The following MAST4 variants were observed in gnomAD, a reference collection of about 807,000 sequenced individuals.
The protein encoded by MAST4 is microtubule associated serine/threonine kinase family member 4, also known as microtubule-associated serine/threonine-protein kinase 4.
Under a neutral mutation model 162.7 loss-of-function variants are expected in MAST4, and 89 were observed. The observed-to-expected ratio is 0.55, with a 90% confidence interval of 0.46 to 0.65. The LOEUF is 0.65. Among genes scored for constraint, MAST4 ranks in the 30% least tolerant of loss-of-function variants. The pLI, the probability that MAST4 is intolerant of heterozygous loss-of-function variation, is 0.00. For synonymous variants in MAST4, 1,479 were observed against 1,361.1 expected (o/e 1.09, Z -1.91); for missense variants, 3,153 against 3,374.0 (o/e 0.93, Z 1.62).
intron 1 of MAST4, among the ~76,000 whole-genome samples, chr5:66,705,957 A>C (rs534695370): frequency 1.1e-4 from 17 of 152,320 alleles, no homozygotes; most frequent in African/African-American, 3.6e-4. Flanking sequence ...AGTAAGGCGA[A>C]GTAACTTTCC....
rs143564625 is a variant in MAST4 at position 66,826,563 on chromosome 5, C to T, written c.642+37769C>T. Among the ~76,000 whole-genome samples, 10 of 152,086 alleles carry T rather than the reference C, an allele frequency of 6.6e-5. No individual in the cohort carries two copies. In the East Asian group the frequency reaches 1.2e-3, roughly 18 times the overall value. On this transcript the variant is annotated intron_variant, in intron 3 of 28. Coordinates refer to ENST00000403625, the MANE Select transcript of MAST4 (RefSeq NM_001164664.2). ...GTTTTGTTTTGTTCTCCTGATGACC[C>T]GATTTGTGTTTCAAGGGGAAAACTG...
At chr5:67,130,484 T>A in intron 15 of MAST4, 66 bp downstream of exon 15, 1 of 1,512,636 alleles carries the variant, frequency 6.6e-7, no homozygotes, top group Non-Finnish European at 9.0e-7. Flanking sequence ...TTGTTGAAGC[T>A]GTCTGTATTT....
At chr5:66,642,533 T>C (rs1403780394) in intron 1 of MAST4, among the ~76,000 whole-genome samples, 2 of 152,160 alleles carry the variant, frequency 1.3e-5, no homozygotes, top group Non-Finnish European at 2.9e-5. Context: ...AGAGTTATCT[T>C]TTAGAGAGAC....
chr5:66,618,033 T>TTGGG (rs1554035637), intron 1 of MAST4, among the ~76,000 whole-genome samples: 3 of 143,672 alleles, frequency 2.1e-5, no homozygotes, highest in South Asian at 2.3e-4. Context: ...CTGGGAGGAA[T>TTGGG]GGGGGGGGGG....
At chr5:66,676,885 A>G (rs1457953521) in intron 1 of MAST4, among the ~76,000 whole-genome samples, 1 of 152,226 alleles carries the variant, frequency 6.6e-6, no homozygotes, top group African/African-American at 2.4e-5. Flanking sequence ...AAAGATATAA[A>G]CAAGTTGCAA....
At chr5:67,078,911 A>AATAAATAAATATATATATAATAT (rs1227485756) in intron 5 of MAST4, among the ~76,000 whole-genome samples, 12 of 38,100 alleles carry the variant, frequency 3.1e-4, no homozygotes, top group South Asian at 1.8e-3. Flanking sequence ...TTTTTATATA[A>AATAAATAAATATATATATAATAT]ATATATATAT....
intron 5 of MAST4, among the ~76,000 whole-genome samples, chr5:67,072,790 C>G (rs1027144395): frequency 6.6e-6 from 1 of 151,962 alleles, no homozygotes; most frequent in Non-Finnish European, 1.5e-5. Context: ...TTCCCATAAC[C>G]CCACCCCCAC....
At chr5:67,162,834 AGTCAT>A (rs1372669780) in intron 28 of MAST4, 46 bp downstream of exon 28, 1 of 1,563,660 alleles carries the variant, frequency 6.4e-7, no homozygotes, top group Non-Finnish European at 8.7e-7. Flanking sequence ...GGGGAGGTAA[AGTCAT>A]GTGAGGTCCC....
At chr5:66,823,102 C>G (rs965893002) in intron 3 of MAST4, among the ~76,000 whole-genome samples, 10 of 152,152 alleles carry the variant, frequency 6.6e-5, no homozygotes, top group Admixed American at 2.6e-4. Flanking sequence ...GGGCTCTTCC[C>G]TTCTCACTTG....
intron 3 of MAST4, among the ~76,000 whole-genome samples, chr5:66,839,092 A>C (rs1580601578): frequency 6.6e-6 from 1 of 152,308 alleles, no homozygotes; most frequent in East Asian, 1.9e-4. Context: ...AGGCAACTGA[A>C]GGTAGAATTA....
chr5:67,136,586 G>C lies in MAST4; in HGVS notation c.2416G>C (p.Asp806His). Residue 806 changes from aspartate (D) to histidine (H), a missense_variant, in exon 19 of 29, where the codon GAT becomes CAT. Asp to His is a moderately conservative substitution (Grantham distance 81). Around this residue, in one of 7 missense-constraint regions of MAST4, gnomAD observed 62 missense variants for 63.1 expected, o/e 0.98. Coordinates refer to ENST00000403625, the MANE Select transcript of MAST4 (RefSeq NM_001164664.2). The stretch of plus-strand genomic sequence containing the variant: ...AGATGAGATCAACTGGCCTGAGAAG[G>C]ATGAGGCACCCCCACCTGATGCCCA... ...ISDEINWPEK[D>H]EAPPPDAQDL... The C allele has an allele frequency of 6.2e-7, 1 of 1,605,792 alleles. No homozygotes were observed. Among genetic ancestry groups the C allele is most frequent in the Non-Finnish European group, 8.5e-7 (1 of 1,176,072 alleles).
chr5:67,165,921 G>A lies in MAST4; in HGVS notation c.6742G>A (p.Asp2248Asn), dbSNP rs1266869846. Residue 2248 changes from aspartate to asparagine, a missense_variant, in exon 29 of 29, where the codon GAT becomes AAT. By Grantham distance (23) the Asp-to-Asn change is conservative (BLOSUM62 1). Transcript: ENST00000403625. Reference protein sequence around the residue: ...EGKGHSKSGPDVFPATPGSQN... With the variant: ...EGKGHSKSGPNVFPATPGSQN... The stretch of plus-strand genomic sequence containing the variant: ...GAAGGGCCACAGTAAGAGTGGGCCG[G>A]ATGTGTTTCCTGCTACCCCAGGCTC... 1.9e-6 allele frequency: 3 copies of A among 1,613,380 alleles called. No individual in the cohort carries two copies. Among genetic ancestry groups the A allele is most frequent in the Non-Finnish European group, 2.5e-6 (3 of 1,179,868 alleles).
chr5:66,998,900 T>C (rs13361936), intron 4 of MAST4, among the ~76,000 whole-genome samples: 2,651 of 152,290 alleles, frequency 0.017, 85 homozygotes, highest in African/African-American at 0.061. Context: ...ATCTAATTCA[T>C]TGGGGATGGG....
chr5:66,633,318 A>G (rs1744904273), intron 1 of MAST4, among the ~76,000 whole-genome samples: 1 of 152,218 alleles, frequency 6.6e-6, no homozygotes, highest in Non-Finnish European at 1.5e-5. Context: ...TACCACCTCC[A>G]GGTTGTATGA....
At position 66,690,637 on chromosome 5, in the gene MAST4, G is replaced by T. The variant is rs529724384; in HGVS notation, c.364-69072G>T. 3.3e-4 allele frequency among the ~76,000 whole-genome samples: 51 copies of T among 152,246 alleles called. No homozygotes were observed. In the South Asian group the frequency reaches 4.6e-3, roughly 14 times the overall value. On this transcript the variant is annotated intron_variant, in intron 1 of 28. Coordinates refer to ENST00000403625, the MANE Select transcript of MAST4 (RefSeq NM_001164664.2). Reference sequence around the variant, plus strand: ...AATTTTAGCCTTTCTTCAGATACTTGTTTGTAGTTCTGAGAGAAGAAAACA... The same window carrying T: ...AATTTTAGCCTTTCTTCAGATACTTTTTTGTAGTTCTGAGAGAAGAAAACA...
intron 2 of MAST4, among the ~76,000 whole-genome samples, chr5:66,760,710 G>A (rs537672011): frequency 1.3e-5 from 2 of 152,252 alleles, no homozygotes; most frequent in African/African-American, 4.8e-5. Flanking sequence ...ATGTTGTTGC[G>A]TGTGTTAGTA....
chr5:66,930,522 A>C (rs542456973), intron 4 of MAST4, among the ~76,000 whole-genome samples: 2 of 152,170 alleles, frequency 1.3e-5, no homozygotes, highest in South Asian at 4.1e-4. Flanking sequence ...TGTGTATATG[A>C]TTGTGAATGA....
intron 3 of MAST4, among the ~76,000 whole-genome samples, chr5:66,796,497 A>G (rs1268137819): frequency 6.6e-6 from 1 of 152,088 alleles, no homozygotes; most frequent in Non-Finnish European, 1.5e-5. Flanking sequence ...AGCTCTCTGC[A>G]TGGGTCTCTG....
chr5:67,025,546 A>G (rs1754533487), intron 4 of MAST4, among the ~76,000 whole-genome samples: 1 of 152,166 alleles, frequency 6.6e-6, no homozygotes, highest in South Asian at 2.1e-4. Context: ...TGGTGTCTCC[A>G]GTGGGTTAAA....
Sources: gnomAD v4.1 joint callset for allele counts (sites outside exome capture counted in the v4.1 genomes callset) on GRCh38, gnomAD v4.1.1 for gene constraint, gnomAD v4.1.1 regional missense constraint, MANE v1.5 for transcripts, NCBI Gene and HGNC (gene_info 2026-07-23, HGNC 2026-07-21) for gene names.